NACC1: variants seen among roughly 807,000 people sequenced by gnomAD.
NACC1 encodes nucleus accumbens-associated protein 1.
NACC1 carries 6 observed loss-of-function variants against 41.7 expected under a neutral mutation model. That is an observed-to-expected ratio of 0.14 (90% CI 0.08 to 0.28). The LOEUF (loss-of-function observed/expected upper bound fraction) is 0.28. NACC1 is among the 10% of genes least tolerant of loss of function. The pLI, the probability that NACC1 is intolerant of heterozygous loss-of-function variation, is 1.00. For missense variants in NACC1, 434 were observed against 763.7 expected, an observed-to-expected ratio of 0.57 and a Z score of 5.09; for synonymous variants, 338 against 330.6, an observed-to-expected ratio of 1.02 and a Z score of -0.24.
intron 1 of NACC1, among the ~76,000 whole-genome samples, chr19:13,121,195 G>T (rs1405873583): frequency 6.6e-6 from 1 of 152,180 alleles, no homozygotes; most frequent in Non-Finnish European, 1.5e-5. Flanking sequence ...GCTAAGGGGT[G>T]GGTGGTGCTG....
In NACC1 at chr19:13,136,315, C is replaced by T. The variant is rs756402591; in HGVS notation, c.1030C>T (p.Pro344Ser). ...GGTTCGGCAAGACCTGGCGTCTCTC[C>T]CGGCTGAACTTATCAACCAGATTGG... ...IRVRQDLASL[P>S]AELINQIGNR... The change falls in exon 3 of 6, where the codon CCG (proline) becomes TCG (serine). Residue 344 changes from proline to serine, a missense_variant. Coordinates refer to ENST00000292431, the MANE Select transcript of NACC1 (RefSeq NM_052876.4). This position sits in a 1 kb window ranked among gnomAD's most constrained non-coding sequence, Gnocchi z 5.5. 1 of 1,614,092 alleles carries T rather than the reference C, an allele frequency of 6.2e-7. No homozygotes were observed. The highest frequency in any genetic ancestry group is 1.3e-5 in the African/African-American group (1 of 75,026).
chr19:13,134,354 C>T (rs768918208), intron 1 of NACC1, among the ~76,000 whole-genome samples: 5 of 152,074 alleles, frequency 3.3e-5, no homozygotes, highest in Admixed American at 6.5e-5. Flanking sequence ...GCCACTGCAC[C>T]CAGCCTCATG....
chr19:13,129,605 C>T (rs535735074), intron 1 of NACC1, among the ~76,000 whole-genome samples: 1 of 152,344 alleles, frequency 6.6e-6, no homozygotes, highest in South Asian at 2.1e-4. Flanking sequence ...CGCCCCACTC[C>T]GCTCGTCCCC....
chr19:13,123,252 G>A (rs947400512), intron 1 of NACC1, among the ~76,000 whole-genome samples: 13 of 152,106 alleles, frequency 8.5e-5, no homozygotes, highest in African/African-American at 2.7e-4. Context: ...CTGTCTTTTG[G>A]GTATGATCTG....
chr19:13,139,276 C>T lies in NACC1; in HGVS notation c.*870C>T, dbSNP rs958188499. On this transcript the variant is annotated 3_prime_UTR_variant, in exon 6 of 6. Transcript: ENST00000292431. ...ACTGGGGGGCTGTTGCCCCTCCCTC[C>T]ATCTCCCCACACCCACCCCACCCCA... 2.0e-5 allele frequency: 3 copies of T among 152,080 alleles called. No individual in the cohort carries two copies. Among genetic ancestry groups the T allele is most frequent in the African/African-American group, 7.2e-5 (3 of 41,396 alleles). The allele number at this position is 152,080 out of a possible 1,614,324, so 9.4% of individuals were successfully genotyped here. A position where few individuals can be genotyped will look rare whatever the true frequency, so the allele number is the denominator to read the frequency against.
chr19:13,136,513 C>A lies in NACC1; in HGVS notation c.1120+108C>A. On this transcript the variant is annotated intron_variant, in intron 3 of 5. Transcript: ENST00000292431. The surrounding 1 kb of genome is among the most constrained non-coding windows in gnomAD (Gnocchi z 5.5). ...GCCCCCAGCACCTCAGTTTCCCTAT[C>A]TGTGCTGTAGTGTTGGTAACAGCCA... 1 of 1,334,480 alleles carries A rather than the reference C, an allele frequency of 7.5e-7. No homozygotes were observed. Among genetic ancestry groups the A allele is most frequent in the Non-Finnish European group, 1.0e-6 (1 of 993,104 alleles). 82.7% of individuals were successfully genotyped at this position (1,334,480 alleles called of 1,614,324 possible).
intron 1 of NACC1, among the ~76,000 whole-genome samples, chr19:13,121,748 T>C (rs1290447246): frequency 6.6e-6 from 1 of 152,124 alleles, no homozygotes; most frequent in African/African-American, 2.4e-5. Flanking sequence ...CATGAGTCAG[T>C]GTTCATGCCA....
intron 1 of NACC1, chr19:13,131,554 C>T (rs2019634720): frequency 6.6e-6 from 1 of 152,264 alleles, no homozygotes. Flanking sequence ...GTGGCCAGCT[C>T]CTGGCCCATT....
At position 13,137,856 on chromosome 19, in the gene NACC1, T is replaced by C. The variant is rs1431699819; in HGVS notation, c.1324+281T>C. Reference sequence around the variant, plus strand: ...GCAGCCAGACAGTGCTAGCCACTCGTCATGGGGGGCATCTAGATTTTCAAG... The same window carrying C: ...GCAGCCAGACAGTGCTAGCCACTCGCCATGGGGGGCATCTAGATTTTCAAG... On this transcript the variant is annotated intron_variant, in intron 5 of 5. Coordinates refer to ENST00000292431, the MANE Select transcript of NACC1 (RefSeq NM_052876.4). This position sits in a 1 kb window ranked among gnomAD's most constrained non-coding sequence, Gnocchi z 6.1. Among the ~76,000 whole-genome samples, 1 of 152,142 alleles carries C rather than the reference T, an allele frequency of 6.6e-6. No homozygotes were observed. Among genetic ancestry groups the C allele is most frequent in the Non-Finnish European group, 1.5e-5 (1 of 68,016 alleles).
rs548337546 is a variant in NACC1, at chr19:13,136,671, C to T, written c.1120+266C>T. 1.3e-5 allele frequency among the ~76,000 whole-genome samples: 2 copies of T among 152,272 alleles called. No homozygotes were observed. Among genetic ancestry groups the T allele is most frequent in the East Asian group, 3.9e-4 (2 of 5,174 alleles). On this transcript the variant is annotated intron_variant, in intron 3 of 5. Coordinates refer to ENST00000292431, the MANE Select transcript of NACC1 (RefSeq NM_052876.4). This position sits in a 1 kb window ranked among gnomAD's most constrained non-coding sequence, Gnocchi z 5.5. ...CCGCATGGGTAGATTAGCTACTTCC[C>T]GGGCTCCTGTGAAGGCCAGCTACTA...
chr19:13,138,483 C>G lies in NACC1; in HGVS notation c.*77C>G, dbSNP rs533076688. On this transcript the variant is annotated 3_prime_UTR_variant, in exon 6 of 6. Transcript: ENST00000292431. The surrounding 1 kb of genome is among the most constrained non-coding windows in gnomAD (Gnocchi z 5.7). ...CACCTGCCATCTTGGTCATGAGCTA[C>G]TGTCTGTCCCTCCCCAGGACCCGCG... The G allele has an allele frequency of 1.9e-6, 3 of 1,561,652 alleles. No individual in the cohort carries two copies. The highest frequency in any genetic ancestry group is 2.3e-5 in the South Asian group (2 of 85,632).
chr19:13,136,427 T>C lies in NACC1; in HGVS notation c.1120+22T>C, dbSNP rs766611720. On this transcript the variant is annotated intron_variant, in intron 3 of 5. Coordinates refer to ENST00000292431, the MANE Select transcript of NACC1 (RefSeq NM_052876.4). This position sits in a 1 kb window ranked among gnomAD's most constrained non-coding sequence, Gnocchi z 5.5. ...ACAGGTGGGCCGGTCTCGCCCCAGA[T>C]CTCTCCCCTCCGCAGCTTTGGAGCC... The C allele has an allele frequency of 1.9e-6, 3 of 1,596,394 alleles. No homozygotes were observed. The South Asian group carries it at 3.4e-5, about 18-fold the overall frequency.
At chr19:13,122,012 C>T (rs2019501004) in intron 1 of NACC1, among the ~76,000 whole-genome samples, 1 of 152,158 alleles carries the variant, frequency 6.6e-6, no homozygotes, top group South Asian at 2.1e-4. Context: ...TCCTCTCAGC[C>T]GCTACTGCCT....
chr19:13,138,349 C>G lies in NACC1; in HGVS notation c.1527C>G (p.Gly509=). ...IEPDMMGVEH[G]FETASHEGEA... ...CGGACATGATGGGTGTGGAGCATGG[C>G]TTCGAGACCGCCAGCCACGAGGGCG... is the stretch of plus-strand genomic sequence containing the variant. The change falls in exon 6 of 6, where the codon GGC becomes GGG. Residue 509 remains glycine, a synonymous_variant. Coordinates refer to ENST00000292431, the MANE Select transcript of NACC1 (RefSeq NM_052876.4). This position sits in a 1 kb window ranked among gnomAD's most constrained non-coding sequence, Gnocchi z 5.7. 6.2e-7 allele frequency: 1 copy of G among 1,613,788 alleles called. No individual in the cohort carries two copies. Among genetic ancestry groups the G allele is most frequent in the Non-Finnish European group, 8.5e-7 (1 of 1,180,004 alleles).
intron 1 of NACC1, among the ~76,000 whole-genome samples, chr19:13,134,356 A>C (rs947677964): frequency 1.3e-5 from 2 of 149,272 alleles, no homozygotes; most frequent in African/African-American, 2.5e-5. Context: ...CACTGCACCC[A>C]GCCTCATGCA....
chr19:13,123,885 C>G (rs2019530047), intron 1 of NACC1, among the ~76,000 whole-genome samples: 1 of 152,200 alleles, frequency 6.6e-6, no homozygotes. Flanking sequence ...CTTCACCTCT[C>G]TGGGCCTCAT....
At chr19:13,127,277 C>T (rs1167311651) in intron 1 of NACC1, among the ~76,000 whole-genome samples, 1 of 126,098 alleles carries the variant, frequency 7.9e-6, no homozygotes, top group Non-Finnish European at 1.6e-5. Flanking sequence ...GCAGGAGGAA[C>T]ACTCAGCTGG....
In NACC1 at chr19:13,135,839, T is replaced by G; in HGVS notation, c.632T>G (p.Leu211Arg). The G allele has an allele frequency of 6.4e-7, 1 of 1,553,308 alleles. No individual in the cohort carries two copies. Among genetic ancestry groups the G allele is most frequent in the Admixed American group, 1.9e-5 (1 of 51,376 alleles). Residue 211 changes from leucine (L) to arginine (R), a missense_variant, in exon 2 of 6, where the codon CTG (leucine) becomes CGG (arginine). Coordinates refer to ENST00000292431, the MANE Select transcript of NACC1 (RefSeq NM_052876.4). Reference sequence around the variant, plus strand: ...ATGGCCAAGTTCTCCACGCCGGACCTGGCTGCCAACCGGCCTCACCAGCCC... The same window carrying G: ...ATGGCCAAGTTCTCCACGCCGGACCGGGCTGCCAACCGGCCTCACCAGCCC... The part of the protein sequence containing the change: ...RKMAKFSTPD[L>R]AANRPHQPPP...
rs534659194 is a variant in NACC1 at position 13,138,678 on chromosome 19, C to G, written c.*272C>G. 2.0e-6 allele frequency: 1 copy of G among 507,886 alleles called. No homozygotes were observed. The highest frequency in any genetic ancestry group is 3.6e-6 in the Non-Finnish European group (1 of 278,852). 31.5% of individuals were successfully genotyped at this position (507,886 alleles called of 1,614,324 possible). A position where few individuals can be genotyped will look rare whatever the true frequency, so the allele number is the denominator to read the frequency against. ...CTGGCTCCCCAACCTAACCCCTAGC[C>G]GTCATCTCCACACTCACCAGGCCCA... On this transcript the variant is annotated 3_prime_UTR_variant, in exon 6 of 6. Coordinates refer to ENST00000292431, the MANE Select transcript of NACC1 (RefSeq NM_052876.4). The surrounding 1 kb of genome is among the most constrained non-coding windows in gnomAD (Gnocchi z 5.7).
Sources: gnomAD v4.1 joint callset for allele counts (sites outside exome capture counted in the v4.1 genomes callset) on GRCh38, gnomAD v4.1.1 for gene constraint, Gnocchi (gnomAD v3.1) non-coding constraint, MANE v1.5 for transcripts, NCBI Gene and HGNC (gene_info 2026-07-23, HGNC 2026-07-21) for gene names.